Variants in GLIS1 observed in about 807,000 individuals in gnomAD.
GLIS1 encodes zinc finger protein GLIS1.
GLIS1 carries 24 observed loss-of-function variants against 63.8 expected under a neutral mutation model. The observed-to-expected ratio is 0.38, with a 90% CI of 0.27 to 0.53. The LOEUF is 0.53. Among genes scored for constraint, GLIS1 ranks in the 20% least tolerant of loss-of-function variants. The probability of loss-of-function intolerance (pLI) is 0.85; values close to 1 mark genes in which losing one functional copy is unlikely to be tolerated. For missense variants in GLIS1, 1,036 were observed against 1,074.1 expected (o/e 0.96, Z 0.50); for synonymous variants, 450 against 482.5 (o/e 0.93, Z 0.88).
intron 7 of GLIS1, among the ~76,000 whole-genome samples, chr1:53,516,260 C>T (rs1386184764): frequency 2.0e-5 from 3 of 152,184 alleles, no homozygotes; most frequent in African/African-American, 4.8e-5. Flanking sequence ...CACCAGTCTC[C>T]TTTCATGGAT....
At chr1:53,676,823 T>A (rs182115942) in intron 2 of GLIS1, among the ~76,000 whole-genome samples, 5 of 152,290 alleles carry the variant, frequency 3.3e-5, no homozygotes, top group Admixed American at 3.3e-4. Context: ...ATCAGCCTCA[T>A]TTCAGGGCTA....
At chr1:53,522,986 C>CTTTTTCTTTTTCTTTTT (rs760283252) in intron 6 of GLIS1, among the ~76,000 whole-genome samples, 1 of 43,690 alleles carries the variant, frequency 2.3e-5, no homozygotes, top group Non-Finnish European at 7.0e-5. Flanking sequence ...TCTTTTCTTT[C>CTTTTTCTTTTTCTTTTT]TTTTTTTTTT....
At chr1:53,655,667 C>T (rs924307119) in intron 2 of GLIS1, among the ~76,000 whole-genome samples, 3 of 152,172 alleles carry the variant, frequency 2.0e-5, no homozygotes, top group African/African-American at 7.2e-5. Context: ...GCTGAGCCAT[C>T]GCTGCTCCAC....
At chr1:53,551,060 C>T (rs770601693) in intron 4 of GLIS1, among the ~76,000 whole-genome samples, 19 of 151,968 alleles carry the variant, frequency 1.3e-4, no homozygotes, top group South Asian at 4.2e-4. Context: ...CATGTTAGGC[C>T]GGTTTTGAAC....
At chr1:53,533,963 T>C (rs765255762) in intron 4 of GLIS1, among the ~76,000 whole-genome samples, 1 of 152,122 alleles carries the variant, frequency 6.6e-6, no homozygotes, top group Non-Finnish European at 1.5e-5. Context: ...GGGGAGCTGA[T>C]GCTCAGGGTG....
In GLIS1 at chr1:53,683,661, C is replaced by A. The variant is rs79496280; in HGVS notation, c.259+54145G>T. The stretch of plus-strand genomic sequence containing the variant: ...TTTCTAGCCCTAGCAGAAGACCTGG[C>A]ACGGGCAGGCATGTGGAATGAAAGA... On this transcript the variant is annotated intron_variant, in intron 2 of 10. Transcript: ENST00000628545. Among the ~76,000 whole-genome samples, 686 of 152,152 alleles carry A rather than the reference C, an allele frequency of 4.5e-3. 8 individuals carry two copies. The highest frequency in any genetic ancestry group is 0.016 in the African/African-American group (651 of 41,502).
intron 4 of GLIS1, among the ~76,000 whole-genome samples, 153 bp from the exon 5 acceptor site, chr1:53,530,105 G>A (rs775930143): frequency 9.9e-5 from 15 of 152,204 alleles, no homozygotes; most frequent in Admixed American, 7.8e-4. Context: ...CCCATGAAGT[G>A]CTCAGGGCCC....
In GLIS1 at chr1:53,611,677, T is replaced by C. The variant is rs1313163481; in HGVS notation, c.260-11399A>G. Among the ~76,000 whole-genome samples, 4 of 152,232 alleles carry C rather than the reference T, an allele frequency of 2.6e-5. No individual in the cohort carries two copies. In the South Asian group the frequency reaches 8.3e-4, roughly 32 times the overall value. ...CTCTTTGTACAAGTTGCTCTGTTTC[T>C]GGCTCATCCATTCTTCTAGATGCTG... On this transcript the variant is annotated intron_variant, in intron 2 of 10. Transcript: ENST00000628545.
chr1:53,595,576 C>T (rs2100536234), intron 3 of GLIS1, among the ~76,000 whole-genome samples: 1 of 152,256 alleles, frequency 6.6e-6, no homozygotes, highest in East Asian at 1.9e-4. Flanking sequence ...GGATGCCACG[C>T]CATCCTGCTT....
intron 2 of GLIS1, among the ~76,000 whole-genome samples, chr1:53,697,684 A>G (rs564360223): frequency 6.6e-6 from 1 of 152,348 alleles, no homozygotes; most frequent in Admixed American, 6.5e-5. Context: ...CAGTCCAGCT[A>G]ACACTTATTT....
chr1:53,556,130 TTGTG>T (rs915987105), intron 4 of GLIS1, among the ~76,000 whole-genome samples: 6 of 80,476 alleles, frequency 7.5e-5, no homozygotes, highest in Non-Finnish European at 1.2e-4. Context: ...TACTGTAGGT[TTGTG>T]TGTGTGTGTG....
At chr1:53,674,359 C>A (rs1191929449) in intron 2 of GLIS1, among the ~76,000 whole-genome samples, 1 of 152,148 alleles carries the variant, frequency 6.6e-6, no homozygotes, top group Non-Finnish European at 1.5e-5. Context: ...GAAACAGAAT[C>A]TCTGTGGACA....
chr1:53,688,929 C>T (rs868485626), intron 2 of GLIS1: 1 of 152,218 alleles, frequency 6.6e-6, no homozygotes, highest in African/African-American at 2.4e-5. Flanking sequence ...TGCAGAGGCA[C>T]CAGCCACACC....
rs1198537751 is a variant in GLIS1 at position 53,560,548 on chromosome 1, G to T, written c.1321-30596C>A. Reference sequence around the variant, plus strand: ...ACCTTCCAGGGAGAGTGGAGGCTGTGGTCGGGAGGGCAGAGCGGGCTATAG... The same window carrying T: ...ACCTTCCAGGGAGAGTGGAGGCTGTTGTCGGGAGGGCAGAGCGGGCTATAG... On this transcript the variant is annotated intron_variant, in intron 4 of 10. Coordinates refer to ENST00000628545, the MANE Select transcript of GLIS1 (RefSeq NM_001367484.1). The surrounding 1 kb of genome is among the most constrained non-coding windows in gnomAD (Gnocchi z 4.4). Among the ~76,000 whole-genome samples the T allele has an allele frequency of 6.6e-6, 1 of 152,210 alleles. No homozygotes were observed. The highest frequency in any genetic ancestry group is 1.5e-5 in the Non-Finnish European group (1 of 68,034).
At chr1:53,653,211 G>A (rs1020246501) in intron 2 of GLIS1, among the ~76,000 whole-genome samples, 1 of 152,236 alleles carries the variant, frequency 6.6e-6, no homozygotes, top group Non-Finnish European at 1.5e-5. Flanking sequence ...GCTTGGCACT[G>A]ATGGGAGCTT....
At chr1:53,709,383 TAC>T (rs1404876587) in intron 2 of GLIS1, among the ~76,000 whole-genome samples, 123 of 40,900 alleles carry the variant, frequency 3.0e-3, no homozygotes, top group African/African-American at 0.012. Context: ...TATACATATA[TAC>T]ATATATATAC....
intron 2 of GLIS1, among the ~76,000 whole-genome samples, chr1:53,617,497 G>C (rs1202732766): frequency 2.6e-5 from 4 of 152,216 alleles, no homozygotes; most frequent in Admixed American, 6.5e-5. Flanking sequence ...ACCAGGGATT[G>C]TTCACCATCT....
intron 2 of GLIS1, among the ~76,000 whole-genome samples, chr1:53,632,974 C>T (rs546809557): frequency 2.5e-5 from 2 of 79,580 alleles, no homozygotes; most frequent in African/African-American, 1.0e-4. Context: ...ATATGTGTGA[C>T]CGAGGGGTGT....
intron 2 of GLIS1, among the ~76,000 whole-genome samples, chr1:53,628,873 G>C (rs911995037): frequency 6.6e-6 from 1 of 152,152 alleles, no homozygotes; most frequent in South Asian, 2.1e-4. Context: ...CCTGGGCACA[G>C]GACAGAATCC....
Sources: allele counts gnomAD v4.1 joint callset (sites outside exome capture counted in the v4.1 genomes callset), GRCh38; gene constraint gnomAD v4.1.1; non-coding constraint Gnocchi (gnomAD v3.1); transcripts MANE v1.5; gene names NCBI Gene and HGNC (gene_info 2026-07-23, HGNC 2026-07-21).